Variants in RFX3 observed in about 807,000 individuals in gnomAD.
RFX3 encodes regulatory factor X3.
A neutral mutation model predicts 98.6 loss-of-function variants in RFX3; 14 were observed. That is an observed-to-expected ratio of 0.14 (90% CI 0.09 to 0.22). The LOEUF (loss-of-function observed/expected upper bound fraction) is 0.22. Ranked by LOEUF, RFX3 falls within the 10% of genes least tolerant of loss-of-function variation. The pLI is 1.00. For missense variants in RFX3, 639 were observed against 926.9 expected (o/e 0.69, Z 4.03); for synonymous variants, 383 against 328.4 (o/e 1.17, Z -1.80).
At chr9:3,327,439 T>A (rs751481862) in intron 4 of RFX3, among the ~76,000 whole-genome samples, 3 of 152,138 alleles carry the variant, frequency 2.0e-5, no homozygotes, top group African/African-American at 4.8e-5. Flanking sequence ...TACTTTTCAA[T>A]AATCAATTCA....
intron 7 of RFX3, among the ~76,000 whole-genome samples, chr9:3,278,633 C>T (rs1021464640): frequency 6.6e-6 from 1 of 151,754 alleles, no homozygotes; most frequent in Non-Finnish European, 1.5e-5. Context: ...ATGAAGTCAC[C>T]GAACCTGGTA....
chr9:3,430,261 T>C (rs570487191), intron 1 of RFX3, among the ~76,000 whole-genome samples: 1 of 152,314 alleles, frequency 6.6e-6, no homozygotes, highest in African/African-American at 2.4e-5. Flanking sequence ...GAAAGATGGA[T>C]AGCATGCTAG....
intron 2 of RFX3, among the ~76,000 whole-genome samples, chr9:3,392,925 CACTGAATTT>C (rs920769493): frequency 2.6e-5 from 4 of 151,862 alleles, no homozygotes; most frequent in South Asian, 2.1e-4. Flanking sequence ...GTAATATAAG[CACTGAATTT>C]ACTGAATTTA....
At chr9:3,472,174 T>C (rs535434460) in intron 1 of RFX3, among the ~76,000 whole-genome samples, 5 of 152,344 alleles carry the variant, frequency 3.3e-5, no homozygotes, top group African/African-American at 1.2e-4. Flanking sequence ...ATGTTATCTC[T>C]GGAATTGACA....
intron 1 of RFX3, among the ~76,000 whole-genome samples, chr9:3,427,490 CAATATATAAATAT>C (rs1380233807): frequency 7.3e-6 from 1 of 136,256 alleles, no homozygotes; most frequent in African/African-American, 2.9e-5. Context: ...TATAATAATA[CAATATATAAATAT>C]ATATTGTTAC....
At chr9:3,440,238 G>C (rs1044076952) in intron 1 of RFX3, among the ~76,000 whole-genome samples, 2 of 152,034 alleles carry the variant, frequency 1.3e-5, no homozygotes, top group Non-Finnish European at 2.9e-5. Flanking sequence ...TCAATACTGT[G>C]CTGGACGTTC....
chr9:3,311,674 T>C (rs201073353), intron 4 of RFX3, among the ~76,000 whole-genome samples: 1 of 151,984 alleles, frequency 6.6e-6, no homozygotes, highest in South Asian at 2.1e-4. Context: ...CACCTGAGGT[T>C]AGGAGTTCAA....
chr9:3,219,319 T>A lies in RFX3; in HGVS notation c.*5723A>T, dbSNP rs1161416801. On this transcript the variant is annotated 3_prime_UTR_variant, in exon 17 of 17. Transcript: ENST00000617270. ...TATCAACAGTCAATGGGAGTTTTTATATTTTCTTTCCTCCCCAGAATCAAA... is the reference window on the plus strand; with the variant it reads ...TATCAACAGTCAATGGGAGTTTTTAAATTTTCTTTCCTCCCCAGAATCAAA... The A allele has an allele frequency of 6.6e-5, 10 of 152,278 alleles. No individual in the cohort carries two copies. The highest frequency in any genetic ancestry group is 2.4e-4 in the African/African-American group (10 of 41,568). The allele number at this position is 152,278 out of a possible 1,614,324, so 9.4% of individuals were successfully genotyped here.
chr9:3,421,080 G>A (rs1843404000), intron 1 of RFX3, among the ~76,000 whole-genome samples: 2 of 151,306 alleles, frequency 1.3e-5, no homozygotes, highest in African/African-American at 4.9e-5. Flanking sequence ...CTGAGGCTCT[G>A]GAGTGACTTG....
At chr9:3,293,033 T>C in intron 6 of RFX3, 44 bp downstream of exon 6, 2 of 1,477,976 alleles carry the variant, frequency 1.4e-6, no homozygotes, top group Admixed American at 1.9e-5. Flanking sequence ...TGCCCTAGTT[T>C]GAAAAAGAGA....
rs371816015 is a variant in RFX3 at position 3,422,759 on chromosome 9, A to G, written c.-8-27163T>C. Among the ~76,000 whole-genome samples, 60 of 152,286 alleles carry G rather than the reference A, an allele frequency of 3.9e-4. No individual in the cohort carries two copies. The South Asian group carries it at 9.7e-3, about 25-fold the overall frequency. ...TGTGCACTGACTGAACACCTGTACT[A>G]TGTAAGATATCTGCTATATATAAGA... On this transcript the variant is annotated intron_variant, in intron 1 of 16. Transcript: ENST00000617270.
chr9:3,477,161 T>C (rs1174340564), intron 1 of RFX3, among the ~76,000 whole-genome samples: 1 of 152,166 alleles, frequency 6.6e-6, no homozygotes, highest in East Asian at 1.9e-4. Flanking sequence ...ATAATTCCAA[T>C]ACAGAATCAC....
At chr9:3,399,302 G>A (rs2131998915) in intron 1 of RFX3, among the ~76,000 whole-genome samples, 1 of 151,196 alleles carries the variant, frequency 6.6e-6, no homozygotes, top group South Asian at 2.1e-4. Context: ...AAATCAGCTG[G>A]TCATGGTGGT....
At chr9:3,513,249 G>A (rs895934228) in intron 1 of RFX3, among the ~76,000 whole-genome samples, 2 of 151,954 alleles carry the variant, frequency 1.3e-5, no homozygotes, top group Non-Finnish European at 2.9e-5. Flanking sequence ...TCAAATATTA[G>A]AAATGTCATC....
intron 9 of RFX3, among the ~76,000 whole-genome samples, chr9:3,273,695 C>T (rs1452509014): frequency 6.6e-6 from 1 of 151,934 alleles, no homozygotes; most frequent in African/African-American, 2.4e-5. Flanking sequence ...GAAACCCCAT[C>T]TTTACTGAAA....
chr9:3,492,602 C>T (rs183126549), intron 1 of RFX3, among the ~76,000 whole-genome samples: 3 of 152,210 alleles, frequency 2.0e-5, no homozygotes, highest in Non-Finnish European at 4.4e-5. Context: ...GGGTAGTCAA[C>T]AGATAGCTTG....
At chr9:3,332,136 C>T (rs1343729641) in intron 3 of RFX3, among the ~76,000 whole-genome samples, 1 of 152,154 alleles carries the variant, frequency 6.6e-6, no homozygotes, top group African/African-American at 2.4e-5. Context: ...TTATCATACA[C>T]ACTACCTTAA....
chr9:3,348,810 T>C (rs957664767), intron 2 of RFX3, among the ~76,000 whole-genome samples: 2 of 152,074 alleles, frequency 1.3e-5, no homozygotes, highest in African/African-American at 4.8e-5. Flanking sequence ...TGTTGGCCAA[T>C]GGTAGCCTCT....
At position 3,225,129 on chromosome 9, in the gene RFX3, C is replaced by T. The variant is rs764273485; in HGVS notation, c.2163G>A (p.Leu721=). Reference sequence around the variant, plus strand: ...CAATGTGCTCGCTGTGAATTGGATTCAGGAGGCTTGGTTGCACGCCAGTCT... The same window carrying T: ...CAATGTGCTCGCTGTGAATTGGATTTAGGAGGCTTGGTTGCACGCCAGTCT... The part of the protein sequence containing the change: ...VLETGVQPSL[L]NPIHSEHIVT... The change falls in exon 17 of 17, where the codon CTG becomes CTA. Residue 721 remains leucine, a synonymous_variant. Coordinates refer to ENST00000617270, the MANE Select transcript of RFX3 (RefSeq NM_001282116.2). The T allele has an allele frequency of 3.7e-6, 6 of 1,613,982 alleles. No homozygotes were observed. The South Asian group carries it at 4.4e-5, about 12-fold the overall frequency.
Sources: allele counts gnomAD v4.1 joint callset (sites outside exome capture counted in the v4.1 genomes callset), GRCh38; gene constraint gnomAD v4.1.1; transcripts MANE v1.5; gene names NCBI Gene and HGNC (gene_info 2026-07-23, HGNC 2026-07-21).